IQCK: variants seen among roughly 807,000 people sequenced by gnomAD.
IQCK encodes the protein IQ domain-containing protein K.
Under a neutral mutation model 28.1 loss-of-function variants are expected in IQCK, and 29 were observed. That is an observed-to-expected ratio of 1.03 (90% CI 0.77 to 1.41). The LOEUF is 1.41. Ranked by LOEUF, IQCK falls within the 40% of genes most tolerant of loss-of-function variation. The probability of loss-of-function intolerance (pLI) is 0.00; values close to 1 mark genes in which losing one functional copy is unlikely to be tolerated. For synonymous variants in IQCK, 113 were observed against 115.1 expected (o/e 0.98, Z 0.12); for missense variants, 359 against 314.7 (o/e 1.14, Z -1.07).
At chr16:19,768,612 G>GGT (rs902155093) in intron 6 of IQCK, among the ~76,000 whole-genome samples, 1 of 152,140 alleles carries the variant, frequency 6.6e-6, no homozygotes, top group African/African-American at 2.4e-5. Flanking sequence ...TGGGCATGGT[G>GGT]GTGTGCGTCT....
intron 1 of IQCK, among the ~76,000 whole-genome samples, chr16:19,729,135 TTTTA>T (rs1487916961): frequency 6.6e-6 from 1 of 152,190 alleles, no homozygotes; most frequent in Non-Finnish European, 1.5e-5. Context: ...TGGACTGTTC[TTTTA>T]TTTATTTATT....
chr16:19,730,696 T>C (rs1977805112), intron 2 of IQCK, among the ~76,000 whole-genome samples: 3 of 152,148 alleles, frequency 2.0e-5, no homozygotes, highest in Admixed American at 2.0e-4. Flanking sequence ...TCTTTGAGCA[T>C]TAGTTTCGGC....
intron 4 of IQCK, among the ~76,000 whole-genome samples, chr16:19,748,546 G>A (rs2151696864): frequency 6.6e-6 from 1 of 152,292 alleles, no homozygotes; most frequent in South Asian, 2.1e-4. Flanking sequence ...CTGGCATATA[G>A]ACAGCACTCA....
intron 7 of IQCK, among the ~76,000 whole-genome samples, chr16:19,792,812 C>T (rs1301460969): frequency 8.7e-6 from 1 of 114,426 alleles, no homozygotes; most frequent in Non-Finnish European, 1.6e-5. Context: ...CTCCTGACCT[C>T]AGGTGATCCA....
At chr16:19,718,279 G>A (rs996306267), upstream of IQCK, 5 of 1,583,280 alleles carry the variant, frequency 3.2e-6, no homozygotes, top group Admixed American at 1.8e-5. Context: ...GCCTTCCGGC[G>A]AACGCGGTTA....
At chr16:19,809,685 A>G (rs1161249377) in intron 7 of IQCK, among the ~76,000 whole-genome samples, 1 of 152,174 alleles carries the variant, frequency 6.6e-6, no homozygotes, top group Non-Finnish European at 1.5e-5. Context: ...TTTCAAGGGG[A>G]TAGGGACCCA....
chr16:19,736,984 CAAAAAAAAA>C (rs55687544), intron 4 of IQCK, among the ~76,000 whole-genome samples: 5 of 67,086 alleles, frequency 7.5e-5, no homozygotes, highest in Admixed American at 1.8e-4. Flanking sequence ...CCGGTATTTA[CAAAAAAAAA>C]AAAAAAAAGA....
chr16:19,857,575 CCTG>C, exon 10 of IQCK: 1 of 361,472 alleles, frequency 2.8e-6, no homozygotes. Flanking sequence ...ATAAAAAGCA[CCTG>C]CTGAGAACTC....
At chr16:19,810,528 G>A (rs568561424) in intron 7 of IQCK, among the ~76,000 whole-genome samples, 18 of 139,546 alleles carry the variant, frequency 1.3e-4, no homozygotes, top group African/African-American at 4.6e-4. Flanking sequence ...AAATAGAGAT[G>A]GTAGCCAGGT....
At chr16:19,813,569 C>T (rs954217972) in intron 7 of IQCK, among the ~76,000 whole-genome samples, 4 of 152,102 alleles carry the variant, frequency 2.6e-5, no homozygotes, top group African/African-American at 4.8e-5. Context: ...TACTAAATTA[C>T]CATTCAAGAG....
chr16:19,821,393 A>G (rs1266813471), intron 7 of IQCK, among the ~76,000 whole-genome samples: 1 of 152,160 alleles, frequency 6.6e-6, no homozygotes, highest in Admixed American at 6.5e-5. Context: ...TTCTAGGTCT[A>G]CAACTCCCCT....
At chr16:19,768,080 A>G (rs1332231248) in intron 6 of IQCK, among the ~76,000 whole-genome samples, 1 of 148,316 alleles carries the variant, frequency 6.7e-6, no homozygotes, top group Non-Finnish European at 1.5e-5. Context: ...GAGCTTATCC[A>G]TCCATAGGAC....
chr16:19,782,890 A>G (rs1322682448), intron 6 of IQCK, among the ~76,000 whole-genome samples: 2 of 152,350 alleles, frequency 1.3e-5, no homozygotes, highest in Admixed American at 6.5e-5. Flanking sequence ...GAAAAGAAGC[A>G]TGTGTATGCG....
intron 1 of IQCK, among the ~76,000 whole-genome samples, chr16:19,719,730 A>G (rs976309742): frequency 3.5e-4 from 47 of 136,044 alleles, no homozygotes; most frequent in Non-Finnish European, 6.9e-4. Flanking sequence ...GCTGGAATGC[A>G]GTGGCACTGG....
chr16:19,784,803 C>T (rs1597557483), intron 6 of IQCK, among the ~76,000 whole-genome samples: 1 of 152,192 alleles, frequency 6.6e-6, no homozygotes, highest in East Asian at 1.9e-4. Context: ...GAGTCTTGCT[C>T]TGTTGCCCAG....
intron 6 of IQCK, among the ~76,000 whole-genome samples, chr16:19,781,157 G>T (rs1185038002): frequency 6.6e-6 from 1 of 152,100 alleles, no homozygotes; most frequent in Non-Finnish European, 1.5e-5. Flanking sequence ...TTTTCCTTTA[G>T]TCACACTAGA....
chr16:19,846,442 G>A (rs112124043), intron 9 of IQCK, among the ~76,000 whole-genome samples: 9 of 152,212 alleles, frequency 5.9e-5, no homozygotes, highest in African/African-American at 2.2e-4. Flanking sequence ...CCCTTTACGG[G>A]GTCAAACCTT....
At chr16:19,786,050 A>C (rs1459624897) in intron 6 of IQCK, among the ~76,000 whole-genome samples, 1 of 152,200 alleles carries the variant, frequency 6.6e-6, no homozygotes, top group East Asian at 1.9e-4. Context: ...TTCTCAGTAA[A>C]TATCAGCCAG....
At chr16:19,718,534 A>AG in intron 1 of IQCK, 47 bp downstream of exon 1, 1 of 1,488,500 alleles carries the variant, frequency 6.7e-7, no homozygotes, top group Middle Eastern at 1.9e-4. Flanking sequence ...GGGCGGCCGG[A>AG]CGGGGGCCGC....
Sources: allele counts gnomAD v4.1 joint callset (sites outside exome capture counted in the v4.1 genomes callset), GRCh38; gene constraint gnomAD v4.1.1; transcripts MANE v1.5; gene names NCBI Gene and HGNC (gene_info 2026-07-23, HGNC 2026-07-21).